Variants in SLC24A4 observed in about 807,000 individuals in gnomAD.
SLC24A4 encodes solute carrier family 24 member 4, also known as sodium/potassium/calcium exchanger 4.
In SLC24A4, 53 loss-of-function variants were observed where a neutral mutation model predicts 79.0. That is an observed-to-expected ratio of 0.67 (90% CI 0.54 to 0.84). The LOEUF (loss-of-function observed/expected upper bound fraction) is 0.84. Among genes scored for constraint, SLC24A4 ranks in the 40% least tolerant of loss-of-function variants. The pLI is 0.00. For synonymous variants in SLC24A4, 323 were observed against 323.8 expected, an observed-to-expected ratio of 1.00 and a Z score of 0.03; for missense variants, 731 against 822.0, an observed-to-expected ratio of 0.89 and a Z score of 1.35.
In SLC24A4 at chr14:92,325,893, A is replaced by G. The variant is rs776946003; in HGVS notation, c.156A>G (p.Lys52=). Residue 52 remains lysine, a synonymous_variant, in exon 2 of 17, where the codon AAA becomes AAG. Coordinates refer to ENST00000532405, the MANE Select transcript of SLC24A4 (RefSeq NM_153646.4). ...SLGHKTASAS[K]RVLPDTWRNR... ...GGCACAAAACAGCTTCTGCTAGCAA[A>G]CGTGTCCTGCCAGACACGTGGAGAA... 1.9e-6 allele frequency: 3 copies of G among 1,611,470 alleles called. No individual in the cohort carries two copies. The East Asian group carries it at 6.7e-5, about 36-fold the overall frequency.
chr14:92,407,800 G>A (rs1363344465), intron 2 of SLC24A4, among the ~76,000 whole-genome samples: 7 of 151,548 alleles, frequency 4.6e-5, no homozygotes, highest in East Asian at 1.9e-4. Flanking sequence ...ATTTGGGCAG[G>A]GATACAAATC....
intron 2 of SLC24A4, among the ~76,000 whole-genome samples, chr14:92,429,534 T>A (rs1157297707): frequency 6.6e-6 from 1 of 152,388 alleles, no homozygotes; most frequent in East Asian, 1.9e-4. Flanking sequence ...CCTAGACCTC[T>A]GTATGGGTGA....
rs35444332 is a variant in SLC24A4, at chr14:92,476,451, ATT to A, written c.1256-6218_1256-6217del. Among the ~76,000 whole-genome samples the A allele has an allele frequency of 8.6e-4, 129 of 149,496 alleles. 1 individual carries two copies. The Middle Eastern group carries it at 0.01, about 12-fold the overall frequency. On this transcript the variant is annotated intron_variant, in intron 12 of 16. Transcript: ENST00000532405. ...CTTGGCTAATTATTATAAGCAGCTG[ATT>A]TTTTTTTTTTAGTAAAAATACTTTT... is the stretch of plus-strand genomic sequence containing the variant.
At chr14:92,370,411 T>TATC (rs1364801000) in intron 2 of SLC24A4, among the ~76,000 whole-genome samples, 1 of 151,960 alleles carries the variant, frequency 6.6e-6, no homozygotes, top group Admixed American at 6.6e-5. Flanking sequence ...AAGGCATTGC[T>TATC]ATTATTATTA....
intron 2 of SLC24A4, among the ~76,000 whole-genome samples, chr14:92,331,260 C>A (rs1885460758): frequency 6.6e-6 from 1 of 152,098 alleles, no homozygotes; most frequent in African/African-American, 2.4e-5. Flanking sequence ...TAGCTCCTTG[C>A]AGGTGCTAAT....
chr14:92,482,302 G>A (rs934190570), intron 12 of SLC24A4, among the ~76,000 whole-genome samples: 2 of 152,210 alleles, frequency 1.3e-5, no homozygotes, highest in Non-Finnish European at 2.9e-5. Flanking sequence ...GTCAGAGGAG[G>A]AAGTAGAGTT....
Position 92,492,189 on chromosome 14 carries a change from C to G in SLC24A4, c.1665C>G (p.Ser555Arg), listed in dbSNP as rs1895716578. 1 of 1,614,090 alleles carries G rather than the reference C, an allele frequency of 6.2e-7. No individual in the cohort carries two copies. Among genetic ancestry groups the G allele is most frequent in the South Asian group, 1.1e-5 (1 of 91,088 alleles). ...VNYGSTVKIN[S>R]RGLVYSVVLL... ...TGATTTTCCAGGTGAAGATCAACAG[C>G]CGGGGGCTGGTCTATTCCGTGGTCC... Residue 555 changes from serine to arginine, a missense_variant, in exon 16 of 17, where the codon AGC (serine) becomes AGG (arginine). Physicochemically the swap from Ser to Arg is moderately radical, Grantham distance 110. Coordinates refer to ENST00000532405, the MANE Select transcript of SLC24A4 (RefSeq NM_153646.4).
intron 13 of SLC24A4, 48 bp from the exon 14 acceptor site, chr14:92,486,618 C>A: frequency 8.4e-7 from 1 of 1,195,142 alleles, no homozygotes; most frequent in Non-Finnish European, 1.2e-6. Context: ...TTTCTTTAGT[C>A]CACACACTGT....
chr14:92,483,975 A>G (rs1419259327), intron 13 of SLC24A4: 2 of 985,384 alleles, frequency 2.0e-6, no homozygotes, highest in Non-Finnish European at 1.2e-6. Context: ...GTGGGGAACA[A>G]AGGATCCTGG....
chr14:92,330,616 C>T (rs868337001), intron 2 of SLC24A4, among the ~76,000 whole-genome samples: 6 of 152,244 alleles, frequency 3.9e-5, no homozygotes, highest in African/African-American at 1.4e-4. Flanking sequence ...ATAGCTCAAA[C>T]AGCAGACATT....
Position 92,497,313 on chromosome 14 carries a change from A to G in SLC24A4, c.*3685A>G, listed in dbSNP as rs1228331014. ...GCGGCCCAAGGTCCAGGTTTCTTCC[A>G]CCTGCTCTTCCCTGTTTATGGGGAT... On this transcript the variant is annotated 3_prime_UTR_variant, in exon 17 of 17. Coordinates refer to ENST00000532405, the MANE Select transcript of SLC24A4 (RefSeq NM_153646.4). The G allele has an allele frequency of 6.6e-6, 1 of 152,068 alleles. No homozygotes were observed. The highest frequency in any genetic ancestry group is 1.5e-5 in the Non-Finnish European group (1 of 68,074). 9.4% of individuals were successfully genotyped at this position (152,068 alleles called of 1,614,324 possible). A position where few individuals can be genotyped will look rare whatever the true frequency, so the allele number is the denominator to read the frequency against.
chr14:92,326,566 G>A (rs1885151854), intron 2 of SLC24A4, among the ~76,000 whole-genome samples: 1 of 152,178 alleles, frequency 6.6e-6, no homozygotes, highest in Non-Finnish European at 1.5e-5. Flanking sequence ...GAGACCCAGA[G>A]GTGACATCTT....
intron 2 of SLC24A4, among the ~76,000 whole-genome samples, chr14:92,368,901 C>T (rs1289464655): frequency 6.6e-6 from 1 of 152,210 alleles, no homozygotes; most frequent in Non-Finnish European, 1.5e-5. Context: ...TGCACCCATT[C>T]CAGCTCCCTC....
intron 2 of SLC24A4, among the ~76,000 whole-genome samples, chr14:92,380,996 G>C (rs1280707731): frequency 6.6e-6 from 1 of 152,142 alleles, no homozygotes; most frequent in Non-Finnish European, 1.5e-5. Flanking sequence ...CATAGTGAGA[G>C]GTGGGATAGC....
chr14:92,400,332 G>C (rs535719948), intron 2 of SLC24A4, among the ~76,000 whole-genome samples: 1 of 151,808 alleles, frequency 6.6e-6, no homozygotes, highest in Non-Finnish European at 1.5e-5. Context: ...CCAGCTACTC[G>C]GGAGGCTGAG....
chr14:92,327,425 T>C (rs889584671), intron 2 of SLC24A4, among the ~76,000 whole-genome samples: 3 of 152,290 alleles, frequency 2.0e-5, no homozygotes, highest in East Asian at 1.9e-4. Context: ...CCGACTGATA[T>C]ATGGCAAGGG....
intron 10 of SLC24A4, chr14:92,453,316 C>G (rs1893257211): frequency 6.6e-6 from 1 of 152,236 alleles, no homozygotes; most frequent in Admixed American, 6.5e-5. Flanking sequence ...GTCCCATGAT[C>G]TAAATCTTTG....
rs570518134 is a variant in SLC24A4, at chr14:92,379,197, A to G, written c.241+53219A>G. On this transcript the variant is annotated intron_variant, in intron 2 of 16. Coordinates refer to ENST00000532405, the MANE Select transcript of SLC24A4 (RefSeq NM_153646.4). ...GGAATGAAGGAAATCTCTCTGGTTT[A>G]GTGAGAGGTGGGGGATGACCTGGAA... Among the ~76,000 whole-genome samples, 348 of 152,312 alleles carry G rather than the reference A, an allele frequency of 2.3e-3. 2 individuals carry two copies. The highest frequency in any genetic ancestry group is 8.1e-3 in the African/African-American group (335 of 41,554).
intron 2 of SLC24A4, among the ~76,000 whole-genome samples, chr14:92,369,732 C>T (rs1164338508): frequency 1.3e-5 from 2 of 152,170 alleles, no homozygotes; most frequent in Admixed American, 6.5e-5. Context: ...GGGGGCTGTC[C>T]TGTACATTAT....
Sources: allele counts gnomAD v4.1 joint callset (sites outside exome capture counted in the v4.1 genomes callset), GRCh38; gene constraint gnomAD v4.1.1; transcripts MANE v1.5; gene names NCBI Gene and HGNC (gene_info 2026-07-23, HGNC 2026-07-21).